Variants in STK35 observed in about 807,000 individuals in gnomAD.
The protein encoded by STK35 is serine/threonine kinase 35.
Under a neutral mutation model 37.3 loss-of-function variants are expected in STK35, and 17 were observed. That is an observed-to-expected ratio of 0.46 (90% CI 0.31 to 0.68). The LOEUF is 0.68. STK35 is among the 30% of genes least tolerant of loss of function. The pLI is 0.05. For missense variants in STK35, 595 were observed against 746.7 expected, an observed-to-expected ratio of 0.80 and a Z score of 2.37; for synonymous variants, 385 against 319.1, an observed-to-expected ratio of 1.21 and a Z score of -2.20.
chr20:2,108,821 G>T (rs759278625), intron 2 of STK35, among the ~76,000 whole-genome samples: 1 of 152,134 alleles, frequency 6.6e-6, no homozygotes, highest in Non-Finnish European at 1.5e-5. Flanking sequence ...CTCTCGAGGG[G>T]TGCTTCCTAA....
intron 3 of STK35, among the ~76,000 whole-genome samples, chr20:2,132,250 A>G (rs1456534581): frequency 2.0e-5 from 3 of 152,250 alleles, no homozygotes; most frequent in Admixed American, 2.0e-4. Context: ...GGAGCTCAGA[A>G]AAGGGAGCTG....
At position 2,103,052 on chromosome 20, in the gene STK35, C is replaced by T. The variant is rs1199914492; in HGVS notation, c.579C>T (p.Gly193=). 3.2e-6 allele frequency: 5 copies of T among 1,554,664 alleles called. No homozygotes were observed. In the South Asian group the frequency reaches 3.5e-5, roughly 11 times the overall value. Residue 193 remains glycine, a synonymous_variant, in exon 2 of 4, where the codon GGC becomes GGT. Transcript: ENST00000381482. ...EAFLARRRPE[G]GGGSARPRYS... ...TCCTGGCGCGGCGACGGCCTGAGGG[C>T]GGTGGCGGGTCCGCGCGGCCGCGTT...
chr20:2,140,275 C>G (rs936371773), intron 3 of STK35, among the ~76,000 whole-genome samples: 1 of 152,014 alleles, frequency 6.6e-6, no homozygotes, highest in South Asian at 2.1e-4. Context: ...AGAAGAGCCC[C>G]GGTAGAAGCT....
chr20:2,143,456 C>T (rs561769231), intron 3 of STK35, among the ~76,000 whole-genome samples: 10 of 152,256 alleles, frequency 6.6e-5, no homozygotes, highest in South Asian at 4.2e-4. Flanking sequence ...GTGGGCCCTG[C>T]GGTGTCTTGC....
rs1379273435 is a variant in STK35 at position 2,146,589 on chromosome 20, C to T, written c.*2843C>T. The T allele has an allele frequency of 1.3e-5, 2 of 152,774 alleles. No individual in the cohort carries two copies. Among genetic ancestry groups the T allele is most frequent in the Non-Finnish European group, 2.9e-5 (2 of 68,134 alleles). The allele number at this position is 152,774 out of a possible 1,614,324, so 9.5% of individuals were successfully genotyped here. A position where few individuals can be genotyped will look rare whatever the true frequency, so the allele number is the denominator to read the frequency against. On this transcript the variant is annotated 3_prime_UTR_variant, in exon 4 of 4. Coordinates refer to ENST00000381482, the MANE Select transcript of STK35 (RefSeq NM_080836.4). The stretch of plus-strand genomic sequence containing the variant: ...GTAGTGCCTTATTCCATTGTCCTCC[C>T]CTGGCCAGGCCTCCTGGCTCAGCTG...
At chr20:2,129,649 A>G (rs1288145117) in intron 3 of STK35, among the ~76,000 whole-genome samples, 1 of 152,124 alleles carries the variant, frequency 6.6e-6, no homozygotes, top group Non-Finnish European at 1.5e-5. Flanking sequence ...TGAGGCACTG[A>G]GTTTGAGAGA....
At chr20:2,119,739 C>T (rs1985783279) in intron 3 of STK35, among the ~76,000 whole-genome samples, 1 of 152,214 alleles carries the variant, frequency 6.6e-6, no homozygotes, top group Admixed American at 6.5e-5. Flanking sequence ...GGAGCTAGTG[C>T]TGATCCTCCT....
intron 2 of STK35, 129 bp from the exon 3 acceptor site, chr20:2,116,537 G>A: frequency 3.9e-6 from 4 of 1,017,634 alleles, no homozygotes; most frequent in Non-Finnish European, 5.7e-6. Context: ...CTCAGTGCCA[G>A]TTGTGCAGGT....
At chr20:2,105,425 A>G (rs1985495920) in intron 2 of STK35, among the ~76,000 whole-genome samples, 2 of 152,180 alleles carry the variant, frequency 1.3e-5, no homozygotes, top group Admixed American at 6.5e-5. Context: ...CTCTCAACAT[A>G]TAAATACTAT....
intron 3 of STK35, among the ~76,000 whole-genome samples, chr20:2,132,635 T>C (rs1271866938): frequency 3.3e-5 from 5 of 152,274 alleles, no homozygotes; most frequent in African/African-American, 1.2e-4. Flanking sequence ...TGGCAGTACC[T>C]GTCTCCAAAA....
intron 2 of STK35, among the ~76,000 whole-genome samples, chr20:2,106,147 G>A (rs1985511476): frequency 6.6e-6 from 1 of 152,160 alleles, no homozygotes; most frequent in African/African-American, 2.4e-5. Flanking sequence ...AATTACTCCA[G>A]GTTAAACTTT....
At chr20:2,108,262 A>G (rs1985553753) in intron 2 of STK35, among the ~76,000 whole-genome samples, 4 of 152,226 alleles carry the variant, frequency 2.6e-5, no homozygotes, top group Non-Finnish European at 5.9e-5. Flanking sequence ...TAATCCCAAC[A>G]CTTTGGGAGG....
At chr20:2,123,611 C>T (rs1351630061) in intron 3 of STK35, among the ~76,000 whole-genome samples, 2 of 152,082 alleles carry the variant, frequency 1.3e-5, no homozygotes, top group African/African-American at 2.4e-5. Flanking sequence ...TTGTTACGCA[C>T]GCTATAGCTA....
rs1024273520 is a variant in STK35, at chr20:2,147,114, G to C, written c.*3368G>C. On this transcript the variant is annotated 3_prime_UTR_variant, in exon 4 of 4. Transcript: ENST00000381482. ...AACACTGAGTGGAGATTTGACTCTG[G>C]ACAGGGCCTGGCCTCCTTAGTGGCA... is the stretch of plus-strand genomic sequence containing the variant. 2 of 152,752 alleles carry C rather than the reference G, an allele frequency of 1.3e-5. No homozygotes were observed. The allele number at this position is 152,752 out of a possible 1,614,324, so 9.5% of individuals were successfully genotyped here.
rs760824880 is a variant in STK35, at chr20:2,102,941, G to T, written c.468G>T (p.Val156=). The change falls in exon 2 of 4, where the codon GTG becomes GTT. Residue 156 remains valine, a synonymous_variant. Coordinates refer to ENST00000381482, the MANE Select transcript of STK35 (RefSeq NM_080836.4). ...CGGAGCGGAAAAGGCGAAGCCCAGT[G>T]CCGCGGGCGCCCAGCACGAAGCTGA... The part of the protein sequence containing the change: ...QSPERKRRSP[V]PRAPSTKLRP... The T allele has an allele frequency of 2.7e-6, 4 of 1,503,010 alleles. No homozygotes were observed. The East Asian group carries it at 1.1e-4, about 42-fold the overall frequency. 93.1% of individuals were successfully genotyped at this position (1,503,010 alleles called of 1,614,324 possible). A position where few individuals can be genotyped will look rare whatever the true frequency, so the allele number is the denominator to read the frequency against.
rs933483128 is a variant in STK35 at position 2,102,319 on chromosome 20, C to A, written c.294+144C>A. The A allele has an allele frequency of 4.3e-6, 5 of 1,151,168 alleles. No homozygotes were observed. The African/African-American group carries it at 4.9e-5, about 11-fold the overall frequency. The allele number at this position is 1,151,168 out of a possible 1,614,324, so 71.3% of individuals were successfully genotyped here. On this transcript the variant is annotated intron_variant, in intron 1 of 3. Transcript: ENST00000381482. ...TTCAGCCAATCCCTTCTACCCGTCG[C>A]CCTCGGGGACTTGGGTCGGTCCGCT... is the stretch of plus-strand genomic sequence containing the variant.
At chr20:2,139,937 T>C (rs17717490) in intron 3 of STK35, among the ~76,000 whole-genome samples, 10,508 of 152,260 alleles carry the variant, frequency 0.069, 515 homozygotes, top group Admixed American at 0.12. Flanking sequence ...AGGTGCAAGC[T>C]ACTGGAACCA....
At chr20:2,128,281 C>A (rs561393505) in intron 3 of STK35, among the ~76,000 whole-genome samples, 1 of 152,158 alleles carries the variant, frequency 6.6e-6, no homozygotes, top group African/African-American at 2.4e-5. Context: ...TTGCCCTCAC[C>A]TTTTACCCTT....
intron 2 of STK35, among the ~76,000 whole-genome samples, chr20:2,110,269 G>A (rs1378659301): frequency 1.3e-5 from 2 of 152,012 alleles, no homozygotes; most frequent in Admixed American, 6.6e-5. Context: ...TTCATTTTTC[G>A]GGGTTCCCTC....
Sources: allele counts gnomAD v4.1 joint callset (sites outside exome capture counted in the v4.1 genomes callset), GRCh38; gene constraint gnomAD v4.1.1; transcripts MANE v1.5; gene names NCBI Gene and HGNC (gene_info 2026-07-23, HGNC 2026-07-21).